Variants in PCDH15 observed in about 807,000 individuals in gnomAD.
The protein encoded by PCDH15 is protocadherin related 15, also known as protocadherin-15.
Under a neutral mutation model 178.5 loss-of-function variants are expected in PCDH15, and 129 were observed. That is an observed-to-expected ratio of 0.72 (90% CI 0.63 to 0.84). PCDH15 has a LOEUF of 0.84. Ranked by LOEUF, PCDH15 falls within the 40% of genes least tolerant of loss-of-function variation. The probability of loss-of-function intolerance (pLI) is 0.00; values close to 1 mark genes in which losing one functional copy is unlikely to be tolerated. For missense variants in PCDH15, 2,230 were observed against 2,099.9 expected, an observed-to-expected ratio of 1.06 and a Z score of -1.21; for synonymous variants, 800 against 732.0, an observed-to-expected ratio of 1.09 and a Z score of -1.50.
At chr10:53,987,649 T>C (rs1367681892) in intron 21 of PCDH15, among the ~76,000 whole-genome samples, 1 of 152,110 alleles carries the variant, frequency 6.6e-6, no homozygotes. Context: ...CTCAGACACA[T>C]GAAAATTAAA....
chr10:55,003,434 A>T (rs1839842041), intron 2 of PCDH15, among the ~76,000 whole-genome samples: 1 of 152,108 alleles, frequency 6.6e-6, no homozygotes, highest in African/African-American at 2.4e-5. Flanking sequence ...AATAATATTG[A>T]AACATTGCTG....
At chr10:54,908,326 G>T (rs1387709925) in intron 2 of PCDH15, among the ~76,000 whole-genome samples, 4 of 152,170 alleles carry the variant, frequency 2.6e-5, no homozygotes, top group Non-Finnish European at 5.9e-5. Context: ...CTCCCTGAGA[G>T]ACTGTGGTTG....
intron 14 of PCDH15, among the ~76,000 whole-genome samples, chr10:54,151,289 C>G (rs2044502712): frequency 6.6e-6 from 1 of 151,844 alleles, no homozygotes; most frequent in Non-Finnish European, 1.5e-5. Context: ...GCCAGTAATC[C>G]CAGCACTTTG....
At position 55,162,198 on chromosome 10, in the gene PCDH15, C is replaced by T. The variant is rs902905443; in HGVS notation, c.-80+4378G>A. ...GGATAGATCACACAGTTATAAGTTC[C>T]GTTAGATGTAGAACTTCCCGTATTT... On this transcript the variant is annotated intron_variant, in intron 2 of 5. Coordinates refer to the PCDH15 transcript ENST00000458638. 1.5e-4 allele frequency among the ~76,000 whole-genome samples: 23 copies of T among 152,018 alleles called. 1 individual carries two copies. The highest frequency in any genetic ancestry group is 5.3e-4 in the African/African-American group (22 of 41,396).
In PCDH15 at chr10:54,153,139, G is replaced by T. The variant is rs752608084; in HGVS notation, c.1745C>A (p.Thr582Lys). The T allele has an allele frequency of 7.4e-6, 12 of 1,613,716 alleles. No individual in the cohort carries two copies. The African/African-American group carries it at 1.3e-4, about 18-fold the overall frequency. The change falls in exon 14 of 38, where the codon ACG becomes AAG. Residue 582 changes from threonine (T) to lysine (K), a missense_variant. By Grantham distance (78) the Thr-to-Lys change is moderately conservative. Coordinates refer to ENST00000644397, the MANE Select transcript of PCDH15 (RefSeq NM_001384140.1). ...EMIVGRTYAL[T>K]VQAADNAPPA... Reference sequence around the variant, plus strand: ...AGGAGCATTATCCGCTGCTTGGACCGTGAGTGCGTAAGTCCGCCCGACTAT... The same window carrying T: ...AGGAGCATTATCCGCTGCTTGGACCTTGAGTGCGTAAGTCCGCCCGACTAT...
chr10:54,168,004 G>C (rs1330636588), intron 13 of PCDH15, among the ~76,000 whole-genome samples: 5 of 148,874 alleles, frequency 3.4e-5, no homozygotes, highest in African/African-American at 5.0e-5. Context: ...TTGCTTCCTT[G>C]ACTATAGGCA....
chr10:53,902,297 C>G (rs1281482415), intron 26 of PCDH15, among the ~76,000 whole-genome samples: 1 of 151,928 alleles, frequency 6.6e-6, no homozygotes, highest in Admixed American at 6.6e-5. Context: ...TTTTTTCTTA[C>G]TGAGAGTGTT....
At chr10:54,176,731 T>C (rs1400525139) in intron 13 of PCDH15, among the ~76,000 whole-genome samples, 2 of 152,122 alleles carry the variant, frequency 1.3e-5, no homozygotes, top group Non-Finnish European at 2.9e-5. Context: ...AGGAAATCCA[T>C]TGAAATAGCC....
chr10:54,791,324 A>G (rs961396607), intron 1 of PCDH15, among the ~76,000 whole-genome samples: 4 of 151,926 alleles, frequency 2.6e-5, no homozygotes, highest in African/African-American at 9.7e-5. Context: ...GCAAAGGTGG[A>G]AGCAAGATTG....
chr10:54,894,164 T>C (rs12763983), intron 3 of PCDH15, among the ~76,000 whole-genome samples: 2 of 152,144 alleles, frequency 1.3e-5, no homozygotes, highest in South Asian at 4.1e-4. Flanking sequence ...CAGAAACTTG[T>C]CATCTAGCTG....
At chr10:54,858,414 A>C (rs2131777224) in intron 3 of PCDH15, among the ~76,000 whole-genome samples, 1 of 152,326 alleles carries the variant, frequency 6.6e-6, no homozygotes, top group African/African-American at 2.4e-5. Context: ...AAACTATTTT[A>C]AATCCATTAT....
At chr10:53,846,690 A>G (rs1051514303) in intron 28 of PCDH15, among the ~76,000 whole-genome samples, 3 of 152,034 alleles carry the variant, frequency 2.0e-5, no homozygotes, top group Admixed American at 2.0e-4. Flanking sequence ...ACCTGTATAT[A>G]CATCTTCAAT....
chr10:54,156,314 A>G (rs1279494063), intron 13 of PCDH15, among the ~76,000 whole-genome samples: 1 of 152,160 alleles, frequency 6.6e-6, no homozygotes, highest in Non-Finnish European at 1.5e-5. Context: ...TTATAAAGAC[A>G]TACCTGAGAC....
intron 2 of PCDH15, among the ~76,000 whole-genome samples, chr10:55,078,048 G>C (rs1301048023): frequency 1.3e-5 from 2 of 152,064 alleles, no homozygotes; most frequent in Non-Finnish European, 2.9e-5. Flanking sequence ...TCAGGGAAAG[G>C]CTTTGTTTAT....
intron 2 of PCDH15, among the ~76,000 whole-genome samples, chr10:55,602,763 G>C (rs1049326818): frequency 6.6e-6 from 1 of 152,126 alleles, no homozygotes; most frequent in Non-Finnish European, 1.5e-5. Flanking sequence ...AAGACCAAAA[G>C]TGGATAAAAC....
intron 2 of PCDH15, among the ~76,000 whole-genome samples, chr10:55,553,257 C>CA (rs983545908): frequency 4.9e-4 from 74 of 150,184 alleles, no homozygotes; most frequent in African/African-American, 1.7e-3. Flanking sequence ...TTGTGTGGTT[C>CA]ACCTCTGGAT....
At chr10:54,696,411 A>T (rs2095224767) in intron 1 of PCDH15, among the ~76,000 whole-genome samples, 1 of 152,138 alleles carries the variant, frequency 6.6e-6, no homozygotes, top group Non-Finnish European at 1.5e-5. Context: ...TCTTGAGATA[A>T]AATCTATTCC....
intron 1 of PCDH15, among the ~76,000 whole-genome samples, chr10:55,187,389 A>G (rs1368169691): frequency 6.6e-6 from 1 of 151,946 alleles, no homozygotes; most frequent in Non-Finnish European, 1.5e-5. Context: ...CTCTCTTAGG[A>G]GTTGTATTCG....
intron 2 of PCDH15, among the ~76,000 whole-genome samples, chr10:54,908,843 T>G (rs1954770541): frequency 6.6e-6 from 1 of 151,196 alleles, no homozygotes; most frequent in Admixed American, 6.6e-5. Context: ...CATCCCAATA[T>G]GTGTTCAGCT....
Sources: allele counts gnomAD v4.1 joint callset (sites outside exome capture counted in the v4.1 genomes callset), GRCh38; gene constraint gnomAD v4.1.1; transcripts MANE v1.5; gene names NCBI Gene and HGNC (gene_info 2026-07-23, HGNC 2026-07-21).